The following CCDC149 variants were observed in gnomAD, a reference collection of about 807,000 sequenced individuals.
The protein encoded by CCDC149 is coiled-coil domain containing 149, also known as coiled-coil domain-containing protein 149.
In CCDC149, 45 loss-of-function variants were observed where a neutral mutation model predicts 59.9. That is an observed-to-expected ratio of 0.75 (90% CI 0.59 to 0.96). CCDC149 has a LOEUF of 0.96. Ranked by LOEUF, CCDC149 falls within the 40% of genes least tolerant of loss-of-function variation. CCDC149 has a pLI of 0.00. For synonymous variants in CCDC149, 245 were observed against 260.6 expected, an observed-to-expected ratio of 0.94 and a Z score of 0.58; for missense variants, 584 against 664.7, an observed-to-expected ratio of 0.88 and a Z score of 1.33.
intron 12 of CCDC149, among the ~76,000 whole-genome samples, chr4:24,811,164 G>A (rs557668387): frequency 1.3e-4 from 20 of 152,286 alleles, no homozygotes; most frequent in African/African-American, 4.1e-4. Flanking sequence ...CCACTTTTCT[G>A]TGCTATTTAT....
intron 1 of CCDC149, among the ~76,000 whole-genome samples, chr4:24,926,870 G>A (rs1329859563): frequency 6.6e-6 from 1 of 152,170 alleles, no homozygotes; most frequent in Non-Finnish European, 1.5e-5. Context: ...GTTAACTGGA[G>A]CACCTACACG....
chr4:24,931,829 G>GTATATATTTATATATATATATA (rs1722597044), intron 1 of CCDC149, among the ~76,000 whole-genome samples: 3 of 76,908 alleles, frequency 3.9e-5, no homozygotes, highest in Non-Finnish European at 7.2e-5. Context: ...TGGAGAGTAT[G>GTATATATTTATATATATATATA]TATATATATA....
chr4:24,836,360 T>G lies in CCDC149; in HGVS notation c.735+76A>C, dbSNP rs73101599. 3,556 of 1,013,178 alleles carry G rather than the reference T, an allele frequency of 3.5e-3. 88 individuals are homozygous for G. The African/African-American group carries it at 0.048, about 14-fold the overall frequency. 62.8% of individuals were successfully genotyped at this position (1,013,178 alleles called of 1,614,324 possible). ...CAAGTACTAAAATATCTTTGGCACA[T>G]AGAAGGGAATTAAAATAGAATGACG... is the stretch of plus-strand genomic sequence containing the variant. On this transcript the variant is annotated intron_variant, in intron 7 of 12. Transcript: ENST00000635206.
intron 1 of CCDC149, among the ~76,000 whole-genome samples, chr4:24,963,030 G>T (rs1334033783): frequency 6.7e-6 from 1 of 150,168 alleles, no homozygotes; most frequent in African/African-American, 2.4e-5. Context: ...CCAAAAAATT[G>T]AGAAAGAGGT....
intron 9 of CCDC149, chr4:24,829,875 C>T (rs182156380): frequency 2.1e-4 from 32 of 152,404 alleles, no homozygotes; most frequent in African/African-American, 7.2e-4. Flanking sequence ...AGGAGGCCTT[C>T]TTCAAAAACA....
intron 11 of CCDC149, 23 bp from the exon 12 acceptor site, chr4:24,819,998 G>T: frequency 1.3e-6 from 2 of 1,514,532 alleles, no homozygotes; most frequent in Non-Finnish European, 9.0e-7. Context: ...AGAGGAAAAT[G>T]GATGTCTTAT....
At chr4:24,874,946 A>T (rs1374064986) in intron 2 of CCDC149, among the ~76,000 whole-genome samples, 1 of 152,238 alleles carries the variant, frequency 6.6e-6, no homozygotes, top group Non-Finnish European at 1.5e-5. Context: ...AAAAAAGCGC[A>T]GGATACGAGA....
At chr4:24,915,849 A>C (rs1283872658), upstream of CCDC149, among the ~76,000 whole-genome samples, 1 of 152,238 alleles carries the variant, frequency 6.6e-6, no homozygotes, top group Admixed American at 6.5e-5. Flanking sequence ...CCTGACATTG[A>C]GTAATAATAA....
At chr4:24,961,148 C>T (rs1253138869) in intron 1 of CCDC149, among the ~76,000 whole-genome samples, 1 of 152,132 alleles carries the variant, frequency 6.6e-6, no homozygotes, top group African/African-American at 2.4e-5. Context: ...TTAAAGGATT[C>T]TAGTTCATTG....
chr4:24,851,374 G>A (rs1007358872), intron 4 of CCDC149, among the ~76,000 whole-genome samples: 3 of 152,068 alleles, frequency 2.0e-5, no homozygotes, highest in Admixed American at 6.5e-5. Context: ...ACAATCCTCC[G>A]GCCTCAGCCT....
intron 1 of CCDC149, among the ~76,000 whole-genome samples, chr4:24,943,128 C>G (rs1320060623): frequency 6.6e-6 from 1 of 152,064 alleles, no homozygotes; most frequent in Non-Finnish European, 1.5e-5. Flanking sequence ...GGAGGCATCA[C>G]GATACCTGAC....
intron 3 of CCDC149, among the ~76,000 whole-genome samples, chr4:24,866,351 G>C (rs1271227826): frequency 1.3e-5 from 2 of 152,142 alleles, no homozygotes; most frequent in Non-Finnish European, 2.9e-5. Flanking sequence ...GTGTTTGACT[G>C]TTTATTCAAG....
Position 24,941,881 on chromosome 4 carries a change from C to A in CCDC149, c.-65+38188G>T, listed in dbSNP as rs566775027. 6.6e-5 allele frequency among the ~76,000 whole-genome samples: 10 copies of A among 152,210 alleles called. No individual in the cohort carries two copies. The South Asian group carries it at 1.7e-3, about 25-fold the overall frequency. ...AATCTCTGAATAGACCAATAACAGG[C>A]TCTGAAATTGAGGCAATAATTAATA... On this transcript the variant is annotated intron_variant, in intron 1 of 12. Transcript: ENST00000389609.
intron 1 of CCDC149, among the ~76,000 whole-genome samples, chr4:24,925,551 T>C (rs994808620): frequency 6.6e-6 from 1 of 152,204 alleles, no homozygotes; most frequent in African/African-American, 2.4e-5. Context: ...ATAATCAACT[T>C]TATAGACAAA....
intron 4 of CCDC149, among the ~76,000 whole-genome samples, chr4:24,843,488 C>T (rs1359863105): frequency 1.3e-5 from 2 of 152,138 alleles, no homozygotes; most frequent in Admixed American, 1.3e-4. Flanking sequence ...TTTGCAAATA[C>T]CTTCAAAAAA....
At chr4:24,860,434 A>T (rs1398748920) in intron 3 of CCDC149, among the ~76,000 whole-genome samples, 1 of 152,206 alleles carries the variant, frequency 6.6e-6, no homozygotes, top group Admixed American at 6.5e-5. Flanking sequence ...ACCTTATACA[A>T]AAGCCAACTC....
chr4:24,836,384 C>T (rs779142582), intron 7 of CCDC149, 52 bp downstream of exon 7: 17 of 1,181,916 alleles, frequency 1.4e-5, no homozygotes, highest in South Asian at 7.5e-5. Context: ...AATAGAATGA[C>T]GTTTAGATGC....
chr4:24,819,510 G>A (rs536887314), intron 12 of CCDC149, among the ~76,000 whole-genome samples: 9 of 152,164 alleles, frequency 5.9e-5, no homozygotes, highest in South Asian at 2.1e-4. Flanking sequence ...TAGTAGAGAC[G>A]GGTTTTCACC....
chr4:24,930,894 G>A (rs1050793090), intron 1 of CCDC149, among the ~76,000 whole-genome samples: 1 of 152,110 alleles, frequency 6.6e-6, no homozygotes, highest in African/African-American at 2.4e-5. Flanking sequence ...AGCTAGAGAA[G>A]GGAGGGACCC....
Sources: gnomAD v4.1 joint callset for allele counts (sites outside exome capture counted in the v4.1 genomes callset) on GRCh38, gnomAD v4.1.1 for gene constraint, MANE v1.5 for transcripts, NCBI Gene and HGNC (gene_info 2026-07-23, HGNC 2026-07-21) for gene names.